Variants in KIAA0825 observed in about 807,000 individuals in gnomAD.
KIAA0825 encodes KIAA0825.
Under a neutral mutation model 147.6 loss-of-function variants are expected in KIAA0825, and 119 were observed. The ratio of observed to expected loss-of-function variants is 0.81; its 90% CI spans 0.69 to 0.94. The LOEUF is 0.94. Ranked by LOEUF, KIAA0825 falls within the 40% of genes least tolerant of loss-of-function variation. The pLI, the probability that KIAA0825 is intolerant of heterozygous loss-of-function variation, is 0.00. For missense variants in KIAA0825, 1,381 were observed against 1,472.7 expected, an observed-to-expected ratio of 0.94 and a Z score of 1.02; for synonymous variants, 470 against 518.1, an observed-to-expected ratio of 0.91 and a Z score of 1.26.
At chr5:94,480,568 T>A (rs1762383094) in intron 6 of KIAA0825, among the ~76,000 whole-genome samples, 1 of 152,060 alleles carries the variant, frequency 6.6e-6, no homozygotes, top group Admixed American at 6.6e-5. Flanking sequence ...TGGAAGTAAC[T>A]GTCTGCTATT....
At chr5:94,537,180 G>A (rs944338651) in intron 2 of KIAA0825, 53 bp from the exon 3 acceptor site, 14 of 1,431,962 alleles carry the variant, frequency 9.8e-6, no homozygotes, top group African/African-American at 7.2e-5. Context: ...CAATGGCCAG[G>A]GATAGGGGTG....
intron 2 of KIAA0825, among the ~76,000 whole-genome samples, chr5:94,561,398 G>C (rs943865457): frequency 6.6e-6 from 1 of 152,158 alleles, no homozygotes; most frequent in African/African-American, 2.4e-5. Context: ...TCATTCTAAT[G>C]AATTATTGAA....
chr5:94,307,286 T>C (rs998846686), intron 20 of KIAA0825, among the ~76,000 whole-genome samples: 3 of 151,840 alleles, frequency 2.0e-5, no homozygotes, highest in Non-Finnish European at 4.4e-5. Flanking sequence ...TCTTCCCTTG[T>C]GCCTGACAGG....
chr5:94,393,870 C>T (rs1750247636), intron 17 of KIAA0825, among the ~76,000 whole-genome samples: 1 of 142,566 alleles, frequency 7.0e-6, no homozygotes, highest in African/African-American at 2.6e-5. Flanking sequence ...TTTTTTGAGA[C>T]AGAGTTTCAC....
chr5:94,467,242 G>C (rs1444390992), intron 10 of KIAA0825, among the ~76,000 whole-genome samples: 1 of 152,056 alleles, frequency 6.6e-6, no homozygotes, highest in South Asian at 2.1e-4. Context: ...GTATGCAAGG[G>C]TTTTCATTAA....
intron 2 of KIAA0825, among the ~76,000 whole-genome samples, chr5:94,553,968 G>A (rs1160944295): frequency 6.6e-6 from 1 of 151,994 alleles, no homozygotes; most frequent in African/African-American, 2.4e-5. Context: ...CTTGTCCCTT[G>A]GACTGTCAGA....
chr5:94,547,293 G>C (rs1774598075), intron 2 of KIAA0825, among the ~76,000 whole-genome samples: 1 of 152,034 alleles, frequency 6.6e-6, no homozygotes, highest in South Asian at 2.1e-4. Flanking sequence ...AAAGTTTATT[G>C]AAAGAAATAA....
At chr5:94,409,433 G>A (rs1752481895) in intron 15 of KIAA0825, among the ~76,000 whole-genome samples, 1 of 152,140 alleles carries the variant, frequency 6.6e-6, no homozygotes, top group African/African-American at 2.4e-5. Flanking sequence ...AGAAAGTCAA[G>A]CAAACCATGA....
At chr5:94,417,707 A>G (rs966713018) in intron 14 of KIAA0825, among the ~76,000 whole-genome samples, 1 of 152,156 alleles carries the variant, frequency 6.6e-6, no homozygotes, top group Non-Finnish European at 1.5e-5. Flanking sequence ...TTCTTTTTCT[A>G]ATTTAAGAAT....
chr5:94,371,240 G>A (rs2150456894), intron 20 of KIAA0825, among the ~76,000 whole-genome samples: 1 of 152,270 alleles, frequency 6.6e-6, no homozygotes, highest in East Asian at 1.9e-4. Flanking sequence ...GTTTAGAGCT[G>A]TATCCTCAAG....
chr5:94,281,922 C>T (rs1185396807), intron 20 of KIAA0825, among the ~76,000 whole-genome samples: 1 of 152,090 alleles, frequency 6.6e-6, no homozygotes, highest in Non-Finnish European at 1.5e-5. Context: ...GTTCTCCCCA[C>T]CTTCCAAGTC....
chr5:94,221,198 C>G (rs1415977903), intron 20 of KIAA0825, among the ~76,000 whole-genome samples: 1 of 152,112 alleles, frequency 6.6e-6, no homozygotes, highest in Non-Finnish European at 1.5e-5. Flanking sequence ...AGGGGTAGAG[C>G]CTGCCAGGAT....
chr5:94,263,667 T>G (rs993856349), intron 20 of KIAA0825, among the ~76,000 whole-genome samples: 2 of 151,794 alleles, frequency 1.3e-5, no homozygotes, highest in African/African-American at 4.8e-5. Context: ...CTCTCTCTCT[T>G]TTTTTTTGCA....
chr5:94,199,065 T>C (rs903338098), intron 20 of KIAA0825, among the ~76,000 whole-genome samples: 1 of 152,192 alleles, frequency 6.6e-6, no homozygotes, highest in African/African-American at 2.4e-5. Context: ...TCAGTCTGGT[T>C]AAGAACCATT....
intron 12 of KIAA0825, among the ~76,000 whole-genome samples, chr5:94,461,195 T>C (rs1759779812): frequency 6.6e-6 from 1 of 152,010 alleles, no homozygotes. Flanking sequence ...GTTTTACAAA[T>C]GCATTGGGGG....
At chr5:94,154,350 G>T (rs1488620938) in intron 20 of KIAA0825, among the ~76,000 whole-genome samples, 1 of 152,106 alleles carries the variant, frequency 6.6e-6, no homozygotes, top group East Asian at 1.9e-4. Context: ...TCCACTTCAG[G>T]ATAAAGTTTT....
chr5:94,327,395 C>T (rs889938851), intron 20 of KIAA0825, among the ~76,000 whole-genome samples: 1 of 150,996 alleles, frequency 6.6e-6, no homozygotes, highest in Non-Finnish European at 1.5e-5. Flanking sequence ...ATTCTATAGG[C>T]AATTCAGTAT....
In KIAA0825 at chr5:94,152,280, C is replaced by T. The variant is rs2149894086; in HGVS notation, c.*1727G>A. 6.6e-6 allele frequency among the ~76,000 whole-genome samples: 1 copy of T among 152,226 alleles called. No individual in the cohort carries two copies. Among genetic ancestry groups the T allele is most frequent in the South Asian group, 2.1e-4 (1 of 4,810 alleles). On this transcript the variant is annotated 3_prime_UTR_variant, in exon 21 of 21. Transcript: ENST00000682413. Reference sequence around the variant, plus strand: ...TACTTTCCTTTGGAAATCATGTAGCCTACACATATTTTATAAAAATCACAG... The same window carrying T: ...TACTTTCCTTTGGAAATCATGTAGCTTACACATATTTTATAAAAATCACAG...
rs1347246464 is a variant in KIAA0825, at chr5:94,537,083, T to A, written c.44A>T (p.His15Leu). Residue 15 changes from histidine (H) to leucine (L), a missense_variant, in exon 3 of 21, where the codon CAT becomes CTT. Coordinates refer to ENST00000682413, the MANE Select transcript of KIAA0825 (RefSeq NM_001145678.3). ...DEYSHNSFDLHCLLNSFPGDL... is the reference protein window; with the variant it reads ...DEYSHNSFDLLCLLNSFPGDL... ...TCCAGGAAATGAGTTTAACAAACAATGTAGGTCAAAAGAATTATGAGAATA... is the reference window on the plus strand; with the variant it reads ...TCCAGGAAATGAGTTTAACAAACAAAGTAGGTCAAAAGAATTATGAGAATA... 1.9e-6 allele frequency: 3 copies of A among 1,610,790 alleles called. No individual in the cohort carries two copies. Among genetic ancestry groups the A allele is most frequent in the Admixed American group, 1.7e-5 (1 of 59,866 alleles).
Sources: allele counts gnomAD v4.1 joint callset (sites outside exome capture counted in the v4.1 genomes callset), GRCh38; gene constraint gnomAD v4.1.1; transcripts MANE v1.5; gene names NCBI Gene and HGNC (gene_info 2026-07-23, HGNC 2026-07-21).